The following SORCS1 variants were observed in gnomAD, a reference collection of about 807,000 sequenced individuals.
SORCS1 encodes the protein sortilin related VPS10 domain containing receptor 1.
SORCS1 carries 60 observed loss-of-function variants against 146.1 expected under a neutral mutation model. The ratio of observed to expected loss-of-function variants is 0.41; its 90% CI spans 0.33 to 0.51. The LOEUF (loss-of-function observed/expected upper bound fraction) is 0.51. SORCS1 is among the 20% of genes least tolerant of loss of function. SORCS1 has a pLI of 0.21. For missense variants in SORCS1, 1,352 were observed against 1,487.6 expected, an observed-to-expected ratio of 0.91 and a Z score of 1.50; for synonymous variants, 637 against 584.0, an observed-to-expected ratio of 1.09 and a Z score of -1.31.
chr10:106,884,192 C>T (rs570415068), intron 2 of SORCS1, among the ~76,000 whole-genome samples: 4 of 152,102 alleles, frequency 2.6e-5, no homozygotes, highest in Non-Finnish European at 5.9e-5. Context: ...AGAACTAAGG[C>T]TCTTGGATTC....
upstream of SORCS1, among the ~76,000 whole-genome samples, chr10:107,169,286 T>A (rs575952605): frequency 1.7e-3 from 257 of 152,322 alleles, 1 homozygote; most frequent in Non-Finnish European, 3.0e-3. Flanking sequence ...TTCAGATCAA[T>A]TTCATGAAGA....
chr10:107,144,532 CATCAT>C (rs1379561171), intron 1 of SORCS1, among the ~76,000 whole-genome samples: 1 of 152,220 alleles, frequency 6.6e-6, no homozygotes, highest in African/African-American at 2.4e-5. Flanking sequence ...TCTCACATCT[CATCAT>C]ATACAAGGCA....
chr10:106,997,415 C>T (rs568749636), intron 1 of SORCS1, among the ~76,000 whole-genome samples: 56 of 152,288 alleles, frequency 3.7e-4, no homozygotes, highest in African/African-American at 1.3e-3. Flanking sequence ...TGACCAAATG[C>T]TTTTCTCTTT....
chr10:106,690,515 A>G (rs1342286151), intron 9 of SORCS1, among the ~76,000 whole-genome samples: 1 of 152,182 alleles, frequency 6.6e-6, no homozygotes, highest in Non-Finnish European at 1.5e-5. Context: ...TTTGATTCGC[A>G]GAAGTGGCGA....
intron 1 of SORCS1, among the ~76,000 whole-genome samples, chr10:107,123,856 T>C (rs1966542057): frequency 2.0e-5 from 3 of 150,928 alleles, no homozygotes. Flanking sequence ...GAAGGGCAGA[T>C]CAGGAGGTCA....
chr10:106,808,649 C>A (rs1383248296), intron 3 of SORCS1, among the ~76,000 whole-genome samples: 1 of 152,072 alleles, frequency 6.6e-6, no homozygotes, highest in Non-Finnish European at 1.5e-5. Context: ...ACTACAGGTG[C>A]CCGCCACCTC....
intron 19 of SORCS1, among the ~76,000 whole-genome samples, chr10:106,625,200 CTGTGTGTGTGTGTGTGTGTG>C (rs3044907): frequency 5.3e-4 from 74 of 140,142 alleles, no homozygotes; most frequent in African/African-American, 1.5e-3. Flanking sequence ...TTGTGTGATT[CTGTGTGTGTGTGTGTGTGTG>C]TGTGTGTGTG....
At chr10:106,913,330 C>T (rs75869269) in intron 2 of SORCS1, among the ~76,000 whole-genome samples, 2,310 of 152,314 alleles carry the variant, frequency 0.015, 56 homozygotes, top group African/African-American at 0.053. Flanking sequence ...TTGATGAACA[C>T]TGTGGCTGGA....
chr10:107,149,567 G>A (rs1968600415), intron 1 of SORCS1, among the ~76,000 whole-genome samples: 1 of 152,198 alleles, frequency 6.6e-6, no homozygotes, highest in African/African-American at 2.4e-5. Context: ...AGATTTAACT[G>A]TGAAGAGAGA....
chr10:107,098,551 T>C (rs1964689712), intron 1 of SORCS1, among the ~76,000 whole-genome samples: 1 of 152,226 alleles, frequency 6.6e-6, no homozygotes, highest in African/African-American at 2.4e-5. Flanking sequence ...CATATCAAAT[T>C]GAGAATTTAC....
At chr10:106,913,050 T>TA (rs1340118236) in intron 2 of SORCS1, among the ~76,000 whole-genome samples, 1 of 149,720 alleles carries the variant, frequency 6.7e-6, no homozygotes, top group Non-Finnish European at 1.5e-5. Flanking sequence ...GCCTGTGTGA[T>TA]AATGGCAATG....
Position 106,618,152 on chromosome 10 carries a change from A to G in SORCS1, c.2917T>C (p.Tyr973His), listed in dbSNP as rs558601308. The G allele has an allele frequency of 6.2e-6, 10 of 1,614,046 alleles. No individual in the cohort carries two copies. The African/African-American group carries it at 1.2e-4, about 19-fold the overall frequency. Reference sequence around the variant, plus strand: ...ATCCACTGAGATGGGCACTCACCATATACTGCGATGGTCTTTGTGTCTTGT... The same window carrying G: ...ATCCACTGAGATGGGCACTCACCATGTACTGCGATGGTCTTTGTGTCTTGT... The part of the protein sequence containing the change: ...ILQDTKTIAV[Y>H]EEFRSLRLSF... Residue 973 changes from tyrosine (Y) to histidine (H), a missense_variant, in exon 21 of 26, where the codon TAT (tyrosine) becomes CAT (histidine). Physicochemically the swap from Tyr to His is moderately conservative, Grantham distance 83. Around this residue, in one of 3 missense-constraint regions of SORCS1, gnomAD observed 648 missense variants for 793.8 expected, o/e 0.82. Coordinates refer to ENST00000263054, the MANE Select transcript of SORCS1 (RefSeq NM_052918.5).
At chr10:106,779,957 T>C (rs1021593859) in intron 3 of SORCS1, among the ~76,000 whole-genome samples, 2 of 152,212 alleles carry the variant, frequency 1.3e-5, no homozygotes, top group African/African-American at 4.8e-5. Context: ...ATAAGTAAAA[T>C]CTTATTATTT....
chr10:106,902,815 A>G (rs1951764333), intron 2 of SORCS1, among the ~76,000 whole-genome samples: 1 of 152,246 alleles, frequency 6.6e-6, no homozygotes, highest in Non-Finnish European at 1.5e-5. Context: ...GCAGTGGCTC[A>G]CGCCTATAAT....
intron 1 of SORCS1, among the ~76,000 whole-genome samples, chr10:107,137,748 G>A (rs544612534): frequency 5.0e-4 from 76 of 152,034 alleles, no homozygotes; most frequent in Non-Finnish European, 1.0e-3. Context: ...TGTAATCCCA[G>A]CTACTTGGGA....
In SORCS1 at chr10:106,709,278, G is replaced by A. The variant is rs762264195; in HGVS notation, c.1088C>T (p.Pro363Leu). The A allele has an allele frequency of 1.2e-6, 2 of 1,613,812 alleles. No individual in the cohort carries two copies. Among genetic ancestry groups the A allele is most frequent in the South Asian group, 1.1e-5 (1 of 91,068 alleles). The change falls in exon 7 of 26, where the codon CCA (proline) becomes CTA (leucine). Residue 363 changes from proline (P) to leucine (L), a missense_variant. Physicochemically the swap from Pro to Leu is moderately conservative, Grantham distance 98 (BLOSUM62 -3). Transcript: ENST00000263054. ...CTEANRNQPF[P>L]GYIDPDSLIV... ...CAAAGAGTCTGGGTCAATGTAGCCTGGAAAAGGCTGATTCCTGTTGGCCTC... is the reference window on the plus strand; with the variant it reads ...CAAAGAGTCTGGGTCAATGTAGCCTAGAAAAGGCTGATTCCTGTTGGCCTC...
At chr10:106,735,767 T>C (rs1339513063) in intron 5 of SORCS1, among the ~76,000 whole-genome samples, 1 of 152,188 alleles carries the variant, frequency 6.6e-6, no homozygotes, top group Non-Finnish European at 1.5e-5. Flanking sequence ...GGTTTTGTAT[T>C]TGATCCTAAA....
chr10:106,937,972 GA>G (rs76116094), intron 2 of SORCS1, among the ~76,000 whole-genome samples: 51,403 of 128,998 alleles, frequency 0.4, 9,994 homozygotes, highest in African/African-American at 0.58. Context: ...TCAAAAAGAA[GA>G]AAAAAAAAAA....
chr10:107,163,819 T>A, intron 1 of SORCS1, 150 bp downstream of exon 1: 2 of 862,664 alleles, frequency 2.3e-6, no homozygotes. Context: ...GTAGGTGATG[T>A]TAACTCTTGG....
Sources: allele counts gnomAD v4.1 joint callset (sites outside exome capture counted in the v4.1 genomes callset), GRCh38; gene constraint gnomAD v4.1.1; regional missense constraint gnomAD v4.1.1; transcripts MANE v1.5; gene names NCBI Gene and HGNC (gene_info 2026-07-23, HGNC 2026-07-21).